The following IGSF1 variants were observed in gnomAD, a reference collection of about 807,000 sequenced individuals.
IGSF1 encodes immunoglobulin superfamily member 1.
A neutral mutation model predicts 95.3 loss-of-function variants in IGSF1; 40 were observed. The observed-to-expected ratio is 0.42, with a 90% CI of 0.33 to 0.55. The LOEUF (loss-of-function observed/expected upper bound fraction) is 0.55. IGSF1 is among the 20% of genes least tolerant of loss of function. The pLI, the probability that IGSF1 is intolerant of heterozygous loss-of-function variation, is 0.10. For missense variants in IGSF1, 906 were observed against 1,025.4 expected (o/e 0.88, Z 1.59); for synonymous variants, 372 against 382.9 (o/e 0.97, Z 0.33).
intron 5 of IGSF1, 38 bp downstream of exon 5, chrX:131,285,138 GACA>G (rs763967860): frequency 7.0e-6 from 8 of 1,144,530 alleles, no homozygotes; most frequent in Non-Finnish European, 8.1e-6. Flanking sequence ...TGATACCTGG[GACA>G]ACAATTGCCA....
rs757935035 is a variant in IGSF1, at chrX:131,275,757, G to A, written c.2905C>T (p.Pro969Ser). The A allele has an allele frequency of 1.7e-6, 2 of 1,207,338 alleles. No individual in the cohort carries two copies. Among genetic ancestry groups the A allele is most frequent in the African/African-American group, 3.5e-5 (2 of 57,081 alleles). Residue 969 changes from proline to serine, a missense_variant, in exon 16 of 20, where the codon CCT (proline) becomes TCT (serine). Pro to Ser is a moderately conservative substitution (Grantham distance 74, BLOSUM62 -1). Transcript: ENST00000361420. Reference sequence around the variant, plus strand: ...GGCTCAGCAAACAACCATGGCTTAGGGAATGTGTCTAGAAAGAGACCAAGG... The same window carrying A: ...GGCTCAGCAAACAACCATGGCTTAGAGAATGTGTCTAGAAAGAGACCAAGG... ...PLMIWVTDTF[P>S]KPWLFAEPSS...
intron 4 of IGSF1, 149 bp downstream of exon 4, chrX:131,285,618 C>T (rs2080623882): frequency 2.5e-6 from 2 of 808,791 alleles, no homozygotes; most frequent in African/African-American, 2.1e-5. Context: ...GTCTGCATCC[C>T]CCCTCTGCAT....
intron 11 of IGSF1, 44 bp from the exon 12 acceptor site, chrX:131,278,795 C>A (rs374677329): frequency 1.8e-6 from 2 of 1,126,043 alleles, no homozygotes; most frequent in East Asian, 6.0e-5. Flanking sequence ...CGCCTCCCTT[C>A]CCCTCCCTCC....
Position 131,282,437 on chromosome X carries a change from C to A in IGSF1, c.1246+7G>T. On this transcript the variant is annotated splice_region_variant and intron_variant, in intron 7 of 19. Transcript: ENST00000361420. ...GGTTGATAATAAAAACAGTTGTTAA[C>A]ACTTGCCTACAACCATAAGCTCCAC... The A allele has an allele frequency of 1.7e-6, 2 of 1,191,484 alleles. No individual in the cohort carries two copies. Among genetic ancestry groups the A allele is most frequent in the Non-Finnish European group, 2.3e-6 (2 of 879,669 alleles).
intron 7 of IGSF1, 118 bp from the exon 8 acceptor site, chrX:131,282,062 A>G: frequency 1.5e-6 from 1 of 649,485 alleles, no homozygotes; most frequent in South Asian, 3.0e-5. Flanking sequence ...CCACTTGGCC[A>G]GTGGCTTCAA....
intron 7 of IGSF1, 77 bp from the exon 8 acceptor site, chrX:131,282,021 T>C: frequency 1.1e-6 from 1 of 922,242 alleles, no homozygotes; most frequent in Non-Finnish European, 1.5e-6. Flanking sequence ...GTTTCTGAGC[T>C]CCCCATTTGA....
intron 9 of IGSF1, 87 bp downstream of exon 9, chrX:131,281,131 G>T: frequency 9.6e-7 from 1 of 1,037,050 alleles, no homozygotes. Flanking sequence ...TATAGGGTTT[G>T]CCTCTGTGGC....
intron 9 of IGSF1, among the ~76,000 whole-genome samples, chrX:131,280,138 T>C (rs2124106693): frequency 9.3e-6 from 1 of 107,995 alleles, no homozygotes; most frequent in South Asian, 4.3e-4. Flanking sequence ...GTGGGGCACA[T>C]AAAGCTACAT....
intron 12 of IGSF1, 91 bp downstream of exon 12, chrX:131,278,370 C>T (rs761544490): frequency 2.2e-6 from 2 of 889,300 alleles, no homozygotes; most frequent in South Asian, 4.8e-5. Context: ...GCTCCAGGGT[C>T]CCTGTGAGTT....
At chrX:131,276,321 T>C in intron 14 of IGSF1, 73 bp from the exon 15 acceptor site, 1 of 883,008 alleles carries the variant, frequency 1.1e-6, no homozygotes, top group Non-Finnish European at 1.6e-6. Context: ...TAAAGTGTTA[T>C]TGTAAGACAC....
At position 131,281,270 on chromosome X, in the gene IGSF1, A is replaced by G; in HGVS notation, c.1594T>C (p.Leu532=). ...RLSLIMQLVA[L]LLVVLWIRWK... ...CTTATCCACAGCACTACCAACAGCA[A>G]GGCAACAAGCTGCATGATTAGAGAC... The change falls in exon 9 of 20, where the codon TTG becomes CTG. Residue 532 remains leucine, a synonymous_variant. Transcript: ENST00000361420. 8.3e-7 allele frequency: 1 copy of G among 1,210,532 alleles called. No individual in the cohort carries two copies. The highest frequency in any genetic ancestry group is 1.1e-6 in the Non-Finnish European group (1 of 894,374).
intron 1 of IGSF1, among the ~76,000 whole-genome samples, chrX:131,287,805 A>G (rs1365673490): frequency 9.0e-6 from 1 of 111,352 alleles, no homozygotes; most frequent in Non-Finnish European, 1.9e-5. Context: ...ACCTTTCACC[A>G]AGGGAAGGTA....
At chrX:131,274,340 G>T (rs2080451263) in intron 18 of IGSF1, 134 bp from the exon 19 acceptor site, 2 of 860,748 alleles carry the variant, frequency 2.3e-6, no homozygotes, top group Non-Finnish European at 3.3e-6. Context: ...TACAGAGGGG[G>T]TGGGCAGTGG....
In IGSF1 at chrX:131,278,415, CA is replaced by C. The variant is rs750215686; in HGVS notation, c.2041+45del. Reference sequence around the variant, plus strand: ...ACTCCCAGGAGCAGTGTTGGAGTCCCAGGGGCACTGGGGATAACTCCCGGAG... The same window carrying C: ...ACTCCCAGGAGCAGTGTTGGAGTCCCGGGGCACTGGGGATAACTCCCGGAG... On this transcript the variant is annotated intron_variant, in intron 12 of 19. Transcript: ENST00000361420. The C allele has an allele frequency of 3.6e-4, 399 of 1,100,702 alleles. 3 individuals are homozygous for C. The East Asian group carries it at 0.011, about 29-fold the overall frequency. The allele number at this position is 1,100,702 out of a possible 1,213,427, so 90.7% of individuals were successfully genotyped here. A position where few individuals can be genotyped will look rare whatever the true frequency, so the allele number is the denominator to read the frequency against.
chrX:131,279,051 AC>A, intron 11 of IGSF1, 91 bp downstream of exon 11: 1 of 967,755 alleles, frequency 1.0e-6, no homozygotes, highest in Admixed American at 2.2e-5. Context: ...TTCCCTCCCA[AC>A]CAGCCACTCC....
intron 16 of IGSF1, 69 bp from the exon 17 acceptor site, chrX:131,275,355 C>T: frequency 8.7e-7 from 1 of 1,146,462 alleles, no homozygotes; most frequent in Non-Finnish European, 1.2e-6. Flanking sequence ...GGGGTCTCTG[C>T]TCAATAAAGA....
chrX:131,282,811 C>T, intron 6 of IGSF1, 74 bp from the exon 7 acceptor site: 23 of 1,043,650 alleles, frequency 2.2e-5, no homozygotes, highest in Non-Finnish European at 3.0e-5. Context: ...TCTTTTCCTT[C>T]TCTTCCTCCA....
intron 1 of IGSF1, among the ~76,000 whole-genome samples, chrX:131,287,809 G>A (rs1439096692): frequency 9.0e-6 from 1 of 111,444 alleles, no homozygotes; most frequent in Non-Finnish European, 1.9e-5. Flanking sequence ...TTCACCAAGG[G>A]AAGGTATGTC....
chrX:131,276,380 T>C (rs1418443814), intron 14 of IGSF1, 132 bp from the exon 15 acceptor site: 3 of 504,515 alleles, frequency 5.9e-6, no homozygotes, highest in Non-Finnish European at 6.4e-6. Context: ...AAAAAACTAA[T>C]GAAGGAAACA....
Sources: allele counts gnomAD v4.1 joint callset (sites outside exome capture counted in the v4.1 genomes callset), GRCh38; gene constraint gnomAD v4.1.1; transcripts MANE v1.5; gene names NCBI Gene and HGNC (gene_info 2026-07-23, HGNC 2026-07-21).